SORCS3: variants seen among roughly 807,000 people sequenced by gnomAD.
The protein encoded by SORCS3 is VPS10 domain-containing receptor SorCS3.
In SORCS3, 57 loss-of-function variants were observed where a neutral mutation model predicts 146.3. The observed-to-expected ratio is 0.39, with a 90% confidence interval of 0.31 to 0.49. SORCS3 has a LOEUF of 0.49. Ranked by LOEUF, SORCS3 falls within the 20% of genes least tolerant of loss-of-function variation. The pLI is 0.92. For missense variants in SORCS3, 1,341 were observed against 1,575.5 expected, an observed-to-expected ratio of 0.85 and a Z score of 2.52; for synonymous variants, 653 against 618.5, an observed-to-expected ratio of 1.06 and a Z score of -0.83.
intron 1 of SORCS3, among the ~76,000 whole-genome samples, chr10:104,763,832 T>C (rs1229255051): frequency 6.6e-6 from 1 of 152,062 alleles, no homozygotes; most frequent in Non-Finnish European, 1.5e-5. Flanking sequence ...TAATAGTAAG[T>C]GAGCTCTCAT....
chr10:105,119,041 C>G (rs1275755338), intron 7 of SORCS3, among the ~76,000 whole-genome samples: 2 of 152,190 alleles, frequency 1.3e-5, no homozygotes, highest in South Asian at 4.1e-4. Context: ...AGAAGCCCCT[C>G]TCATCACAGT....
chr10:105,083,210 A>G (rs2055637032), intron 5 of SORCS3, among the ~76,000 whole-genome samples: 1 of 152,022 alleles, frequency 6.6e-6, no homozygotes, highest in African/African-American at 2.4e-5. Flanking sequence ...AATAATATAT[A>G]CTGAAACAAT....
At chr10:104,881,408 T>C (rs1245904292) in intron 2 of SORCS3, among the ~76,000 whole-genome samples, 1 of 152,206 alleles carries the variant, frequency 6.6e-6, no homozygotes, top group African/African-American at 2.4e-5. Flanking sequence ...AGCCCGTTAG[T>C]AATGCATAGA....
chr10:104,655,802 C>T (rs2015622146), intron 1 of SORCS3, among the ~76,000 whole-genome samples: 1 of 152,176 alleles, frequency 6.6e-6, no homozygotes, highest in African/African-American at 2.4e-5. Context: ...CCTGCTTCTT[C>T]CGTGTAAGAC....
chr10:104,837,805 AG>A (rs1247564779), intron 1 of SORCS3, among the ~76,000 whole-genome samples: 1 of 152,212 alleles, frequency 6.6e-6, no homozygotes, highest in Non-Finnish European at 1.5e-5. Flanking sequence ...CTTGAGGGCA[AG>A]GGTACGTTTT....
chr10:104,824,315 G>C (rs1162501876), intron 1 of SORCS3, among the ~76,000 whole-genome samples: 1 of 152,196 alleles, frequency 6.6e-6, no homozygotes, highest in Non-Finnish European at 1.5e-5. Flanking sequence ...AATGGGTAGA[G>C]TGTCTCCAAC....
At chr10:104,800,400 T>C (rs1379311113) in intron 1 of SORCS3, among the ~76,000 whole-genome samples, 1 of 152,192 alleles carries the variant, frequency 6.6e-6, no homozygotes, top group Non-Finnish European at 1.5e-5. Flanking sequence ...GATTCTACAA[T>C]GGTAAGTGTC....
In SORCS3 at chr10:105,074,527, C is replaced by T. The variant is rs1028263295; in HGVS notation, c.1029-15248C>T. The stretch of plus-strand genomic sequence containing the variant: ...CATGAATTCAGTGAGATAACACACA[C>T]AGAGCATTATGTTGTCGCAGGAACA... On this transcript the variant is annotated intron_variant, in intron 5 of 26. Coordinates refer to ENST00000369701, the MANE Select transcript of SORCS3 (RefSeq NM_014978.3). Among the ~76,000 whole-genome samples, 51 of 152,194 alleles carry T rather than the reference C, an allele frequency of 3.4e-4. 1 individual carries two copies. Among genetic ancestry groups the T allele is most frequent in the African/African-American group, 1.1e-3 (44 of 41,446 alleles).
chr10:105,136,036 C>G (rs1168010337), intron 7 of SORCS3, among the ~76,000 whole-genome samples: 5 of 152,106 alleles, frequency 3.3e-5, no homozygotes, highest in Admixed American at 6.6e-5. Context: ...TGTTCATACA[C>G]CTATTCATTA....
intron 1 of SORCS3, among the ~76,000 whole-genome samples, chr10:104,669,776 A>G (rs978308286): frequency 3.3e-5 from 5 of 152,106 alleles, no homozygotes; most frequent in African/African-American, 1.2e-4. Flanking sequence ...TGGAATTGCT[A>G]TATTATATTG....
chr10:104,697,907 A>T (rs753598341), intron 1 of SORCS3, among the ~76,000 whole-genome samples: 1 of 152,220 alleles, frequency 6.6e-6, no homozygotes, highest in African/African-American at 2.4e-5. Context: ...GCTATTCAGC[A>T]TATTCATGGT....
At chr10:105,013,478 A>C (rs1246847087) in intron 4 of SORCS3, among the ~76,000 whole-genome samples, 1 of 152,108 alleles carries the variant, frequency 6.6e-6, no homozygotes, top group South Asian at 2.1e-4. Flanking sequence ...CTGTAGGCAA[A>C]TTATTAAACT....
intron 5 of SORCS3, among the ~76,000 whole-genome samples, chr10:105,056,551 C>T (rs187968247): frequency 1.3e-5 from 2 of 152,264 alleles, no homozygotes. Flanking sequence ...AAGAGAATGG[C>T]ATGATATTCA....
chr10:104,908,507 T>C (rs6584634), intron 2 of SORCS3, among the ~76,000 whole-genome samples: 73,915 of 152,096 alleles, frequency 0.49, 21,389 homozygotes, highest in African/African-American at 0.82. Context: ...TAACAACAAC[T>C]CTATTGTCTG....
chr10:104,886,784 A>G (rs2133579864), intron 2 of SORCS3, among the ~76,000 whole-genome samples: 1 of 152,232 alleles, frequency 6.6e-6, no homozygotes, highest in South Asian at 2.1e-4. Flanking sequence ...TCCTAAATAA[A>G]ATGTTTTTTC....
chr10:104,811,704 G>A (rs1464510976), intron 1 of SORCS3, among the ~76,000 whole-genome samples: 1 of 152,196 alleles, frequency 6.6e-6, no homozygotes, highest in African/African-American at 2.4e-5. Flanking sequence ...AGGGAGTCAG[G>A]TCAGAGACCA....
intron 24 of SORCS3, among the ~76,000 whole-genome samples, chr10:105,256,082 G>C (rs2056929781): frequency 6.6e-6 from 1 of 152,124 alleles, no homozygotes; most frequent in African/African-American, 2.4e-5. Context: ...TCGTTTGTTT[G>C]TTTGTATATT....
In SORCS3 at chr10:104,915,947, C is replaced by A; in HGVS notation, c.795+15C>A. ...ACAAAAGGAAGGTAAGAGACTGGGT[C>A]AGTAGGTCCTGAGCACTCCTGCTGG... On this transcript the variant is annotated intron_variant, in intron 3 of 26. Transcript: ENST00000369701. The A allele has an allele frequency of 1.3e-6, 2 of 1,598,244 alleles. No homozygotes were observed. Among genetic ancestry groups the A allele is most frequent in the South Asian group, 2.2e-5 (2 of 90,728 alleles).
intron 16 of SORCS3, among the ~76,000 whole-genome samples, chr10:105,204,846 T>C (rs886104383): frequency 1.3e-5 from 2 of 152,224 alleles, no homozygotes; most frequent in African/African-American, 2.4e-5. Context: ...TGTCTTCTTG[T>C]TTTTAAGTTA....
Sources: allele counts gnomAD v4.1 joint callset (sites outside exome capture counted in the v4.1 genomes callset), GRCh38; gene constraint gnomAD v4.1.1; transcripts MANE v1.5; gene names NCBI Gene and HGNC (gene_info 2026-07-23, HGNC 2026-07-21).